The following NNT variants were observed in gnomAD, a reference collection of about 807,000 sequenced individuals.
The protein encoded by NNT is nicotinamide nucleotide transhydrogenase.
Under a neutral mutation model 104.8 loss-of-function variants are expected in NNT, and 50 were observed. That is an observed-to-expected ratio of 0.48 (90% CI 0.38 to 0.60). NNT has a LOEUF of 0.60. Ranked by LOEUF, NNT falls within the 20% of genes least tolerant of loss-of-function variation. The pLI, the probability that NNT is intolerant of heterozygous loss-of-function variation, is 0.00. For synonymous variants in NNT, 461 were observed against 490.4 expected, an observed-to-expected ratio of 0.94 and a Z score of 0.79; for missense variants, 1,131 against 1,330.7, an observed-to-expected ratio of 0.85 and a Z score of 2.33.
At chr5:43,608,123 G>A (rs938188871) in intron 1 of NNT, among the ~76,000 whole-genome samples, 1 of 152,058 alleles carries the variant, frequency 6.6e-6, no homozygotes, top group African/African-American at 2.4e-5. Context: ...TAGAAACGGG[G>A]TTTCACCATG....
At chr5:43,648,253 T>G in intron 10 of NNT, 1 of 1,026,608 alleles carries the variant, frequency 9.7e-7, no homozygotes, top group Non-Finnish European at 1.2e-6. Flanking sequence ...TCCCTAGATA[T>G]TCCAGTGGTG....
chr5:43,650,977 CAT>C (rs983464440), intron 12 of NNT, among the ~76,000 whole-genome samples: 2 of 152,196 alleles, frequency 1.3e-5, no homozygotes, highest in Non-Finnish European at 1.5e-5. Flanking sequence ...GCACATCACT[CAT>C]GTGTGAGACT....
intron 17 of NNT, among the ~76,000 whole-genome samples, chr5:43,670,435 C>T (rs995372723): frequency 3.3e-5 from 5 of 152,302 alleles, no homozygotes; most frequent in Admixed American, 6.5e-5. Flanking sequence ...ATAAATTTCC[C>T]TCTACGCACT....
At chr5:43,679,748 T>C (rs949472085) in intron 19 of NNT, among the ~76,000 whole-genome samples, 1 of 152,180 alleles carries the variant, frequency 6.6e-6, no homozygotes, top group African/African-American at 2.4e-5. Flanking sequence ...AATATTTAAT[T>C]ATACATATAT....
At chr5:43,606,941 A>G (rs1749253753) in intron 1 of NNT, among the ~76,000 whole-genome samples, 1 of 152,100 alleles carries the variant, frequency 6.6e-6, no homozygotes, top group South Asian at 2.1e-4. Context: ...GGTATTTTAA[A>G]GATGTTTCTT....
At chr5:43,645,602 T>C in intron 10 of NNT, 92 bp downstream of exon 10, 1 of 619,436 alleles carries the variant, frequency 1.6e-6, no homozygotes, top group Non-Finnish European at 2.3e-6. Context: ...TAGCTATATA[T>C]ACGTATATAT....
chr5:43,611,333 T>C (rs2111791018), intron 2 of NNT, among the ~76,000 whole-genome samples: 1 of 152,338 alleles, frequency 6.6e-6, no homozygotes, highest in South Asian at 2.1e-4. Context: ...CTGTCCCTTG[T>C]ATGTGCTTAA....
rs527938848 is a variant in NNT, at chr5:43,655,605, A to G, written c.2060-235A>G. ...ATATGAAAATATTCCAAAATTAAAA[A>G]AAATTAAAATCTGAAACACTTCTGG... is the stretch of plus-strand genomic sequence containing the variant. On this transcript the variant is annotated intron_variant, in intron 14 of 21. Coordinates refer to ENST00000344920, the MANE Select transcript of NNT (RefSeq NM_182977.3). 1.4e-3 allele frequency among the ~76,000 whole-genome samples: 218 copies of G among 152,346 alleles called. 2 individuals carry two copies. The highest frequency in any genetic ancestry group is 2.0e-3 in the Non-Finnish European group (133 of 68,030).
rs756818482 is a variant in NNT, at chr5:43,655,857, C to T, written c.2077C>T (p.Arg693Cys). 5.6e-6 allele frequency: 9 copies of T among 1,613,904 alleles called. No homozygotes were observed. The highest frequency in any genetic ancestry group is 2.7e-5 in the African/African-American group (2 of 74,934). ...GGTIGLTIAK[R>C]IQISDLPQLV... ...CATAACAGGATTGACAATTGCCAAA[C>T]GCATCCAGATTTCTGATTTACCTCA... The change falls in exon 15 of 22, where the codon CGC becomes TGC. Residue 693 changes from arginine to cysteine, a missense_variant. Physicochemically the swap from Arg to Cys is radical, Grantham distance 180. Transcript: ENST00000344920.
intron 19 of NNT, among the ~76,000 whole-genome samples, chr5:43,697,954 C>G (rs1742643084): frequency 6.6e-6 from 1 of 152,048 alleles, no homozygotes; most frequent in Admixed American, 6.6e-5. Context: ...GGGGACACAG[C>G]CAAACCATAT....
intron 4 of NNT, among the ~76,000 whole-genome samples, chr5:43,617,657 T>A (rs1366001355): frequency 6.6e-6 from 1 of 152,230 alleles, no homozygotes; most frequent in Non-Finnish European, 1.5e-5. Context: ...AATTTATTAC[T>A]TTTTTCACTA....
intron 7 of NNT, 131 bp downstream of exon 7, chr5:43,628,518 A>G (rs1479950804): frequency 1.6e-5 from 10 of 623,086 alleles, no homozygotes; most frequent in Non-Finnish European, 2.5e-5. Flanking sequence ...TTATAAAAGT[A>G]CTAGAAAACG....
At chr5:43,635,022 C>T (rs1750860935) in intron 7 of NNT, among the ~76,000 whole-genome samples, 1 of 152,168 alleles carries the variant, frequency 6.6e-6, no homozygotes, top group Non-Finnish European at 1.5e-5. Context: ...CTGTCTTTGG[C>T]AAAGCAGCAC....
chr5:43,645,600 T>C, intron 10 of NNT, 90 bp downstream of exon 10: 1 of 616,898 alleles, frequency 1.6e-6, no homozygotes, highest in South Asian at 6.2e-5. Context: ...TGTAGCTATA[T>C]ATACGTATAT....
chr5:43,645,973 A>G (rs1273424114), intron 10 of NNT, among the ~76,000 whole-genome samples: 1 of 151,796 alleles, frequency 6.6e-6, no homozygotes, highest in East Asian at 1.9e-4. Flanking sequence ...TCAGCCTCCC[A>G]AAGTGCTGAG....
chr5:43,688,562 C>G (rs1742102528), intron 19 of NNT, among the ~76,000 whole-genome samples: 1 of 151,984 alleles, frequency 6.6e-6, no homozygotes, highest in Non-Finnish European at 1.5e-5. Context: ...CCCTTGCCAC[C>G]CCCACCCTTT....
intron 19 of NNT, among the ~76,000 whole-genome samples, chr5:43,686,919 G>T (rs1046273763): frequency 1.3e-5 from 2 of 152,060 alleles, no homozygotes; most frequent in African/African-American, 4.8e-5. Flanking sequence ...CTTTGAACCT[G>T]GCAGTGGCAA....
chr5:43,612,932 T>C lies in NNT; in HGVS notation c.176T>C (p.Val59Ala), dbSNP rs1579973167. 6 of 1,613,848 alleles carry C rather than the reference T, an allele frequency of 3.7e-6. No homozygotes were observed. The highest frequency in any genetic ancestry group is 5.1e-6 in the Non-Finnish European group (6 of 1,179,766). Residue 59 changes from valine to alanine, a missense_variant, in exon 3 of 22, where the codon GTT (valine) becomes GCT (alanine). Transcript: ENST00000344920. ...GGAATTCCATATAAGCAACTGACTG[T>C]TGGAGTCCCCAAAGAGATATTCCAA... ...KPGIPYKQLTVGVPKEIFQNE... is the reference protein window; with the variant it reads ...KPGIPYKQLTAGVPKEIFQNE...
rs769137442 is a variant in NNT at position 43,628,362 on chromosome 5, C to A, written c.939C>A (p.Ile313=). 245 of 1,611,670 alleles carry A rather than the reference C, an allele frequency of 1.5e-4. No individual in the cohort carries two copies. The highest frequency in any genetic ancestry group is 2.0e-4 in the Non-Finnish European group (240 of 1,178,898). The change falls in exon 7 of 22, where the codon ATC becomes ATA. Residue 313 remains isoleucine, a synonymous_variant. Coordinates refer to ENST00000344920, the MANE Select transcript of NNT (RefSeq NM_182977.3). ...LFAQQCKEVD[I]LISTALIPGK... is the part of the protein sequence containing the mutation. ...CTCAACAATGCAAGGAGGTAGACAT[C>A]CTTATCAGCACAGCACTTATTCCAG...
Sources: allele counts gnomAD v4.1 joint callset (sites outside exome capture counted in the v4.1 genomes callset), GRCh38; gene constraint gnomAD v4.1.1; transcripts MANE v1.5; gene names NCBI Gene and HGNC (gene_info 2026-07-23, HGNC 2026-07-21).